SERPINB8: variants seen among roughly 807,000 people sequenced by gnomAD.
The protein encoded by SERPINB8 is serpin B8.
In SERPINB8, 25 loss-of-function variants were observed where a neutral mutation model predicts 35.3. That is an observed-to-expected ratio of 0.71 (90% CI 0.52 to 0.99). SERPINB8 has a LOEUF of 0.99. SERPINB8 is among the 50% of genes least tolerant of loss of function. The pLI is 0.00. For missense variants in SERPINB8, 484 were observed against 446.5 expected (o/e 1.08, Z -0.76); for synonymous variants, 186 against 160.8 (o/e 1.16, Z -1.19).
At chr18:63,981,693 GACTAA>G in intron 3 of SERPINB8, 23 bp from the exon 4 acceptor site, 2 of 1,470,936 alleles carry the variant, frequency 1.4e-6, no homozygotes, top group Non-Finnish European at 1.9e-6. Context: ...TACCAAATGA[GACTAA>G]ACTCAGTGTT....
chr18:63,990,071 G>GT (rs747683579), downstream of SERPINB8, among the ~76,000 whole-genome samples: 3,038 of 116,072 alleles, frequency 0.026, 147 homozygotes, highest in Middle Eastern at 0.032. Flanking sequence ...TTGTTTTCGT[G>GT]TTTTTTTTTT....
chr18:64,015,049 A>C (rs2050943253), intron 7 of SERPINB8, among the ~76,000 whole-genome samples: 1 of 152,206 alleles, frequency 6.6e-6, no homozygotes, highest in Admixed American at 6.5e-5. Context: ...TGCCTTCGCC[A>C]GCCCTCCATT....
chr18:63,976,361 A>G (rs1457327116), intron 1 of SERPINB8, among the ~76,000 whole-genome samples: 4 of 152,212 alleles, frequency 2.6e-5, no homozygotes, highest in Non-Finnish European at 5.9e-5. Context: ...ATAATGCACT[A>G]AAATTATAAT....
At chr18:63,977,082 T>C (rs2050593628) in intron 1 of SERPINB8, among the ~76,000 whole-genome samples, 1 of 152,150 alleles carries the variant, frequency 6.6e-6, no homozygotes, top group Admixed American at 6.5e-5. Context: ...CTTTATAGAT[T>C]ATATTGGAGA....
downstream of SERPINB8, among the ~76,000 whole-genome samples, chr18:63,992,649 A>T (rs934676646): frequency 2.6e-5 from 4 of 151,940 alleles, no homozygotes; most frequent in East Asian, 7.7e-4. Context: ...TTCACATTTA[A>T]TTTTTTCACT....
At chr18:64,004,342 C>T (rs899471568) in intron 1 of SERPINB8, among the ~76,000 whole-genome samples, 1 of 152,056 alleles carries the variant, frequency 6.6e-6, no homozygotes, top group Non-Finnish European at 1.5e-5. Flanking sequence ...TTGAAAATTC[C>T]TCTCAGTAAG....
chr18:64,017,005 A>T (rs2050953527), intron 7 of SERPINB8, among the ~76,000 whole-genome samples: 1 of 152,196 alleles, frequency 6.6e-6, no homozygotes, highest in African/African-American at 2.4e-5. Context: ...ATAGCCAATA[A>T]AAAACCTGTC....
At chr18:63,986,604 G>A in intron 6 of SERPINB8, 1 of 1,311,670 alleles carries the variant, frequency 7.6e-7, no homozygotes, top group South Asian at 2.4e-5. Context: ...TTTAACATTT[G>A]AAAGGAGTTA....
At chr18:63,981,877 A>G (rs768726192) in intron 4 of SERPINB8, 39 bp downstream of exon 4, 29 of 1,428,986 alleles carry the variant, frequency 2.0e-5, no homozygotes. Context: ...GAATTACTAT[A>G]CAACGAGGCT....
Position 64,000,951 on chromosome 18 carries a change from A to C in SERPINB8, c.71-3868A>C, listed in dbSNP as rs542508464. Among the ~76,000 whole-genome samples the C allele has an allele frequency of 4.2e-3, 641 of 152,328 alleles. 2 individuals carry two copies. The highest frequency in any genetic ancestry group is 0.01 in the Middle Eastern group (3 of 294). On this transcript the variant is annotated intron_variant, in intron 1 of 1. Transcript: ENST00000493661. ...TGTATTTCGAATCTCTCTTACTAGC[A>C]GAGGAATAAAAATGTAGGATTGCTA...
At chr18:64,018,503 A>C (rs565341599) in intron 7 of SERPINB8, among the ~76,000 whole-genome samples, 2 of 152,164 alleles carry the variant, frequency 1.3e-5, no homozygotes, top group Non-Finnish European at 2.9e-5. Flanking sequence ...TAGATCTATT[A>C]AAGTGGGTAG....
At chr18:63,978,941 C>A (rs2050626160) in intron 2 of SERPINB8, among the ~76,000 whole-genome samples, 1 of 152,166 alleles carries the variant, frequency 6.6e-6, no homozygotes, top group African/African-American at 2.4e-5. Flanking sequence ...CTTATATCTT[C>A]TGGAGTGATT....
At chr18:64,011,064 G>C (rs1225894392) in intron 7 of SERPINB8, among the ~76,000 whole-genome samples, 1 of 151,738 alleles carries the variant, frequency 6.6e-6, no homozygotes, top group Non-Finnish European at 1.5e-5. Context: ...GATGTGACAA[G>C]AACTAAAATC....
chr18:63,983,687 A>G lies in SERPINB8; in HGVS notation c.533A>G (p.Lys178Arg). Residue 178 changes from lysine (K) to arginine (R), a missense_variant, in exon 5 of 7, where the codon AAG becomes AGG. Lys to Arg is a conservative substitution (Grantham distance 26, BLOSUM62 2). Transcript: ENST00000397985. ...AAGTGGAATGAGCAATTTGACAGAA[A>G]GTACACAAGGGGAATGCTCTTTAAA... ...KGKWNEQFDRKYTRGMLFKTN... is the reference protein window; with the variant it reads ...KGKWNEQFDRRYTRGMLFKTN... 1 of 1,614,054 alleles carries G rather than the reference A, an allele frequency of 6.2e-7. No homozygotes were observed. Among genetic ancestry groups the G allele is most frequent in the Non-Finnish European group, 8.5e-7 (1 of 1,179,894 alleles).
chr18:64,007,611 T>C (rs900746537), downstream of SERPINB8, among the ~76,000 whole-genome samples: 2 of 152,202 alleles, frequency 1.3e-5, no homozygotes, highest in African/African-American at 4.8e-5. Context: ...GGATTCTGCT[T>C]CTGGGGAGGC....
chr18:63,979,808 G>A lies in SERPINB8; in HGVS notation c.176G>A (p.Cys59Tyr), dbSNP rs372830406. Residue 59 changes from cysteine (C) to tyrosine (Y), a missense_variant, in exon 3 of 7, where the codon TGT becomes TAT. Transcript: ENST00000397985. ...GTTGGTTTCTGTTCCCAGGCACTTTGTTTATACAAAGACGGAGATATTCAC... is the reference window on the plus strand; with the variant it reads ...GTTGGTTTCTGTTCCCAGGCACTTTATTTATACAAAGACGGAGATATTCAC... ...STAAQMSQAL[C>Y]LYKDGDIHRG... The A allele has an allele frequency of 8.1e-6, 13 of 1,613,900 alleles. No homozygotes were observed. Among genetic ancestry groups the A allele is most frequent in the African/African-American group, 1.3e-5 (1 of 74,880 alleles).
At chr18:63,975,848 C>T in intron 1 of SERPINB8, among the ~76,000 whole-genome samples, 1 of 152,170 alleles carries the variant, frequency 6.6e-6, no homozygotes, top group East Asian at 1.9e-4. Flanking sequence ...TTCCCCACTT[C>T]CTTGTCTCAG....
At chr18:64,012,371 C>T (rs1221305001) in intron 7 of SERPINB8, among the ~76,000 whole-genome samples, 1 of 152,124 alleles carries the variant, frequency 6.6e-6, no homozygotes, top group African/African-American at 2.4e-5. Context: ...ATCTTACTGT[C>T]TAGAAAGTAT....
downstream of SERPINB8, among the ~76,000 whole-genome samples, chr18:63,990,589 A>C (rs1025813464): frequency 6.6e-6 from 1 of 151,940 alleles, no homozygotes; most frequent in African/African-American, 2.4e-5. Context: ...ATATGTATAC[A>C]TGTGCCATGT....
Sources: gnomAD v4.1 joint callset for allele counts (sites outside exome capture counted in the v4.1 genomes callset) on GRCh38, gnomAD v4.1.1 for gene constraint, MANE v1.5 for transcripts, NCBI Gene and HGNC (gene_info 2026-07-23, HGNC 2026-07-21) for gene names.